SMAD6: variants seen among roughly 807,000 people sequenced by gnomAD.
SMAD6 encodes the protein SMAD family member 6, also known as MAD homolog 6.
SMAD6 carries 103 observed loss-of-function variants against 39.4 expected under a neutral mutation model. The observed-to-expected ratio is 2.62, with a 90% CI of 2.23 to 3.08. The LOEUF (loss-of-function observed/expected upper bound fraction) is 3.08, where lower values mean the gene tolerates loss of function less well. Ranked by LOEUF, SMAD6 falls within the 30% of genes most tolerant of loss-of-function variation. The pLI is 0.00. For synonymous variants in SMAD6, 445 were observed against 353.3 expected (o/e 1.26, Z -2.91); for missense variants, 1,104 against 742.9 (o/e 1.49, Z -5.65).
intron 3 of SMAD6, among the ~76,000 whole-genome samples, chr15:66,776,596 A>G (rs1894471975): frequency 6.6e-6 from 1 of 152,186 alleles, no homozygotes; most frequent in African/African-American, 2.4e-5. Context: ...TAGGTCTGCC[A>G]CCTGCTGCTG....
Position 66,703,407 on chromosome 15 carries a change from G to A in SMAD6, c.149G>A (p.Arg50Lys), listed in dbSNP as rs1263249382. Residue 50 changes from arginine (R) to lysine (K), a missense_variant, in exon 1 of 4, where the codon AGA becomes AAA. Transcript: ENST00000288840. The stretch of plus-strand genomic sequence containing the variant: ...CGAGCTGAGCCGGCCCCGCGGGCAA[G>A]AGAGGGCGGAGGCTGCGGCCGCTCC... Reference protein sequence around the residue: ...GSRAEPAPRAREGGGCGRSEV... With the variant: ...GSRAEPAPRAKEGGGCGRSEV... The A allele has an allele frequency of 4.4e-6, 6 of 1,372,630 alleles. No homozygotes were observed. Among genetic ancestry groups the A allele is most frequent in the Admixed American group, 3.7e-5 (1 of 27,238 alleles). The allele number at this position is 1,372,630 out of a possible 1,614,324, so 85.0% of individuals were successfully genotyped here.
intron 3 of SMAD6, among the ~76,000 whole-genome samples, chr15:66,750,701 T>C (rs574841538): frequency 1.2e-4 from 19 of 152,242 alleles, no homozygotes; most frequent in Admixed American, 3.3e-4. Flanking sequence ...TAGGTGGCAT[T>C]ATCAAGCCAG....
At chr15:66,738,689 C>T (rs766717603) in intron 3 of SMAD6, among the ~76,000 whole-genome samples, 1 of 152,086 alleles carries the variant, frequency 6.6e-6, no homozygotes, top group African/African-American at 2.4e-5. Flanking sequence ...GTCCAGGGAG[C>T]GTGTCTGCCA....
chr15:66,780,264 G>A (rs1359894911), intron 3 of SMAD6, among the ~76,000 whole-genome samples: 2 of 152,134 alleles, frequency 1.3e-5, no homozygotes, highest in Non-Finnish European at 2.9e-5. Context: ...GTACCAGGAG[G>A]CTAAGGCTGA....
At chr15:66,716,314 G>A (rs1375307463) in intron 2 of SMAD6, 107 bp from the exon 3 acceptor site, 2 of 802,674 alleles carry the variant, frequency 2.5e-6, no homozygotes, top group Non-Finnish European at 4.3e-6. Context: ...CCCTTTGCAA[G>A]CACACACATC....
At chr15:66,763,154 G>A (rs915167772) in intron 3 of SMAD6, among the ~76,000 whole-genome samples, 1 of 152,236 alleles carries the variant, frequency 6.6e-6, no homozygotes, top group Non-Finnish European at 1.5e-5. Flanking sequence ...CCAGAACTAG[G>A]AGATGGAAGG....
intron 3 of SMAD6, among the ~76,000 whole-genome samples, chr15:66,761,044 C>T (rs562993294): frequency 6.6e-6 from 1 of 152,302 alleles, no homozygotes; most frequent in East Asian, 1.9e-4. Context: ...GGAATCTGGA[C>T]ACGAGGGCAG....
Position 66,781,877 on chromosome 15 carries a change from G to C in SMAD6, c.*342G>C, listed in dbSNP as rs909606946. 2.3e-5 allele frequency: 9 copies of C among 398,642 alleles called. No individual in the cohort carries two copies. The highest frequency in any genetic ancestry group is 1.3e-4 in the Admixed American group (3 of 22,720). The allele number at this position is 398,642 out of a possible 1,614,324, so 24.7% of individuals were successfully genotyped here. A position where few individuals can be genotyped will look rare whatever the true frequency, so the allele number is the denominator to read the frequency against. On this transcript the variant is annotated 3_prime_UTR_variant, in exon 4 of 4. Transcript: ENST00000288840. ...TTTTATATATATATATAAAGAAAAT[G>C]ATACAGCAGAGCTAGGTGGAAAAGC...
intron 3 of SMAD6, among the ~76,000 whole-genome samples, chr15:66,778,556 G>T (rs1375595015): frequency 6.6e-6 from 1 of 152,174 alleles, no homozygotes; most frequent in Non-Finnish European, 1.5e-5. Context: ...AGTCCTCCAA[G>T]AGTGGGGATA....
chr15:66,711,949 C>A (rs182698839), intron 2 of SMAD6, among the ~76,000 whole-genome samples: 5 of 152,212 alleles, frequency 3.3e-5, no homozygotes, highest in Admixed American at 3.3e-4. Context: ...CGAAATTCCG[C>A]GGCTCATCAT....
chr15:66,755,060 G>A (rs886494883), intron 3 of SMAD6, among the ~76,000 whole-genome samples: 2 of 152,058 alleles, frequency 1.3e-5, no homozygotes, highest in African/African-American at 2.4e-5. Flanking sequence ...ACTCTCATAC[G>A]GTCCATATTT....
intron 3 of SMAD6, among the ~76,000 whole-genome samples, chr15:66,730,044 C>T (rs531953103): frequency 4.5e-4 from 69 of 152,346 alleles, no homozygotes; most frequent in South Asian, 3.7e-3. Context: ...AGATCCCAGA[C>T]CAGCCCTCCG....
intron 3 of SMAD6, among the ~76,000 whole-genome samples, chr15:66,722,996 G>C (rs913170299): frequency 2.0e-5 from 3 of 152,156 alleles, no homozygotes; most frequent in African/African-American, 7.2e-5. Context: ...GGGTCCACTG[G>C]GTCACTGATC....
intron 3 of SMAD6, among the ~76,000 whole-genome samples, chr15:66,763,982 G>A (rs953436395): frequency 2.6e-5 from 4 of 152,234 alleles, no homozygotes; most frequent in South Asian, 2.1e-4. Context: ...GAGGCGCCTC[G>A]GCCATCCACG....
intron 3 of SMAD6, among the ~76,000 whole-genome samples, chr15:66,760,361 T>TG (rs1894176447): frequency 6.6e-6 from 1 of 152,202 alleles, no homozygotes; most frequent in Non-Finnish European, 1.5e-5. Flanking sequence ...GAAGGCAGCA[T>TG]GGGGGGAAGA....
At chr15:66,706,772 G>C (rs1213001410) in intron 1 of SMAD6, 1 of 152,392 alleles carries the variant, frequency 6.6e-6, no homozygotes, top group African/African-American at 2.4e-5. Context: ...ACCACTGCAG[G>C]GAGCCCCGGT....
At chr15:66,729,683 C>A (rs12441613) in intron 3 of SMAD6, among the ~76,000 whole-genome samples, 2 of 152,268 alleles carry the variant, frequency 1.3e-5, no homozygotes, top group South Asian at 4.2e-4. Flanking sequence ...GGATTTTCTT[C>A]CCTGGCCCGC....
intron 3 of SMAD6, among the ~76,000 whole-genome samples, chr15:66,763,118 G>T (rs762841618): frequency 6.6e-5 from 10 of 152,202 alleles, no homozygotes; most frequent in Non-Finnish European, 5.9e-5. Flanking sequence ...TTGCACAGTG[G>T]GCTCAGTGAG....
rs946367949 is a variant in SMAD6 at position 66,732,188 on chromosome 15, G to A, written c.952+15690G>A. 5.3e-5 allele frequency among the ~76,000 whole-genome samples: 8 copies of A among 152,094 alleles called. 1 individual carries two copies. Among genetic ancestry groups the A allele is most frequent in the African/African-American group, 1.4e-4 (6 of 41,402 alleles). Reference sequence around the variant, plus strand: ...TTGAACTCTTGGTTTCAAGCGATCTGCCCACCTCAGCCAAAGTGCTGGGAT... The same window carrying A: ...TTGAACTCTTGGTTTCAAGCGATCTACCCACCTCAGCCAAAGTGCTGGGAT... On this transcript the variant is annotated intron_variant, in intron 3 of 3. Coordinates refer to ENST00000288840, the MANE Select transcript of SMAD6 (RefSeq NM_005585.5).
Sources: allele counts gnomAD v4.1 joint callset (sites outside exome capture counted in the v4.1 genomes callset), GRCh38; gene constraint gnomAD v4.1.1; transcripts MANE v1.5; gene names NCBI Gene and HGNC (gene_info 2026-07-23, HGNC 2026-07-21).